The following CMIP variants were observed in gnomAD, a reference collection of about 807,000 sequenced individuals.
The protein encoded by CMIP is C-Maf-inducing protein.
In CMIP, 13 loss-of-function variants were observed where a neutral mutation model predicts 97.3. That is an observed-to-expected ratio of 0.13 (90% CI 0.09 to 0.21). The LOEUF is 0.21. Among genes scored for constraint, CMIP ranks in the 10% least tolerant of loss-of-function variants. The probability of loss-of-function intolerance (pLI) is 1.00; values close to 1 mark genes in which losing one functional copy is unlikely to be tolerated. For missense variants in CMIP, 847 were observed against 1,024.9 expected (o/e 0.83, Z 2.37); for synonymous variants, 538 against 436.3 (o/e 1.23, Z -2.91).
At chr16:81,445,677 C>T in intron 1 of CMIP, 136 bp downstream of exon 1, 1 of 1,003,886 alleles carries the variant, frequency 1.0e-6, no homozygotes, top group Non-Finnish European at 1.4e-6. Context: ...CGGGGAGAAC[C>T]AGGGCGCCTC....
At chr16:81,550,438 C>T (rs556777051) in intron 1 of CMIP, among the ~76,000 whole-genome samples, 28 of 152,284 alleles carry the variant, frequency 1.8e-4, no homozygotes, top group South Asian at 1.0e-3. Context: ...GCAGGAGGGT[C>T]GCAGGGCTTT....
intron 1 of CMIP, among the ~76,000 whole-genome samples, chr16:81,480,353 A>G (rs575100436): frequency 9.9e-5 from 15 of 152,208 alleles, no homozygotes; most frequent in African/African-American, 3.6e-4. Context: ...CAGCCTGGCT[A>G]GCGTGGTGAA....
chr16:81,584,820 T>C (rs1453441570), intron 1 of CMIP, among the ~76,000 whole-genome samples: 1 of 152,236 alleles, frequency 6.6e-6, no homozygotes, highest in African/African-American at 2.4e-5. Flanking sequence ...AAAGGAACGC[T>C]TCTGCAAGGA....
At chr16:81,606,968 A>C (rs935082648) in intron 1 of CMIP, 1 of 155,030 alleles carries the variant, frequency 6.5e-6, no homozygotes, top group Non-Finnish European at 1.5e-5. Context: ...AGGAGTGTGG[A>C]AAGGGAGAGA....
chr16:81,593,068 A>G (rs2091490569), intron 1 of CMIP, among the ~76,000 whole-genome samples: 2 of 152,186 alleles, frequency 1.3e-5, no homozygotes, highest in South Asian at 4.1e-4. Context: ...TGGAAATATC[A>G]GTCGTTTGCT....
At chr16:81,452,885 G>GTTTTTTTTTTTTTTTTT (rs558606255) in intron 1 of CMIP, among the ~76,000 whole-genome samples, 32 of 129,220 alleles carry the variant, frequency 2.5e-4, no homozygotes, top group East Asian at 1.1e-3. Flanking sequence ...TTTTTGTTTT[G>GTTTTTTTTTTTTTTTTT]TTTTTTTTTT....
intron 13 of CMIP, among the ~76,000 whole-genome samples, chr16:81,693,787 G>A (rs1041326695): frequency 6.6e-6 from 1 of 152,210 alleles, no homozygotes; most frequent in African/African-American, 2.4e-5. Context: ...CTCTGAGGCA[G>A]CATTTTGATC....
At chr16:81,518,002 C>G in intron 1 of CMIP, 1 of 620,418 alleles carries the variant, frequency 1.6e-6, no homozygotes, top group Non-Finnish European at 2.0e-6. Context: ...ACGGGGGTCC[C>G]TTTGCACTTC....
intron 2 of CMIP, among the ~76,000 whole-genome samples, chr16:81,615,588 CTGTG>C (rs771775580): frequency 1.8e-5 from 2 of 111,478 alleles, no homozygotes; most frequent in Admixed American, 9.5e-5. Context: ...GTGTGTGTGT[CTGTG>C]TGTGTGGTGT....
chr16:81,569,711 A>G (rs1327217610), intron 1 of CMIP, among the ~76,000 whole-genome samples: 2 of 152,234 alleles, frequency 1.3e-5, no homozygotes, highest in East Asian at 1.9e-4. Flanking sequence ...AAAGATGGGC[A>G]CAGTTGGCTT....
chr16:81,456,572 C>T (rs1383877256), intron 1 of CMIP, among the ~76,000 whole-genome samples: 2 of 151,438 alleles, frequency 1.3e-5, no homozygotes, highest in East Asian at 1.9e-4. Flanking sequence ...TTCATCTAAT[C>T]CTCACGATGC....
At chr16:81,598,552 A>T (rs1431813619) in intron 1 of CMIP, among the ~76,000 whole-genome samples, 3 of 152,230 alleles carry the variant, frequency 2.0e-5, no homozygotes, top group African/African-American at 7.2e-5. Flanking sequence ...AAGATCAAAT[A>T]AAACACAAGA....
intron 1 of CMIP, among the ~76,000 whole-genome samples, chr16:81,491,900 A>G (rs112150559): frequency 5.9e-4 from 90 of 152,252 alleles, no homozygotes; most frequent in Admixed American, 2.0e-3. Flanking sequence ...ATCAGCGGAG[A>G]TGACGTTTTA....
chr16:81,500,072 A>C, intron 1 of CMIP, among the ~76,000 whole-genome samples: 1 of 150,254 alleles, frequency 6.7e-6, no homozygotes. Flanking sequence ...TTCTTCAGCC[A>C]CTCCTTGGTC....
Position 81,678,476 on chromosome 16 carries a change from C to G in CMIP, c.1236C>G (p.Ala412=). ...IHVEVERTST[A]KPALTASAGN... The stretch of plus-strand genomic sequence containing the variant: ...TGGAGGTGGAACGCACCAGCACTGC[C>G]AAGCCGGCGCTGACGGCCAGCGCAG... Residue 412 remains alanine (A), a synonymous_variant, in exon 10 of 21, where the codon GCC becomes GCG. Coordinates refer to ENST00000537098, the MANE Select transcript of CMIP (RefSeq NM_198390.3). The G allele has an allele frequency of 1.3e-6, 2 of 1,593,706 alleles. No individual in the cohort carries two copies. Among genetic ancestry groups the G allele is most frequent in the Non-Finnish European group, 1.7e-6 (2 of 1,171,072 alleles).
intron 1 of CMIP, among the ~76,000 whole-genome samples, chr16:81,480,371 C>G (rs966915097): frequency 1.3e-5 from 2 of 152,026 alleles, no homozygotes; most frequent in Admixed American, 6.6e-5. Flanking sequence ...GAAACCCCAT[C>G]TCTACTAAAA....
chr16:81,589,303 C>T (rs1277952819), intron 1 of CMIP, among the ~76,000 whole-genome samples: 2 of 152,002 alleles, frequency 1.3e-5, no homozygotes, highest in Non-Finnish European at 2.9e-5. Context: ...CTCCATGTTA[C>T]CCTGGCTGGT....
chr16:81,663,643 G>A (rs2092571575), intron 6 of CMIP, among the ~76,000 whole-genome samples: 1 of 152,200 alleles, frequency 6.6e-6, no homozygotes, highest in Non-Finnish European at 1.5e-5. Context: ...GGGTAACAAT[G>A]ATGTGTCAGT....
At position 81,556,347 on chromosome 16, in the gene CMIP, G is replaced by A. The variant is rs542285289; in HGVS notation, c.301-51220G>A. On this transcript the variant is annotated intron_variant, in intron 1 of 20. Coordinates refer to ENST00000537098, the MANE Select transcript of CMIP (RefSeq NM_198390.3). Reference sequence around the variant, plus strand: ...GTAATGCTTCTCTGAACACGGGTGCGCTGGTGTCCCTTTTAAAAGTCCCTA... The same window carrying A: ...GTAATGCTTCTCTGAACACGGGTGCACTGGTGTCCCTTTTAAAAGTCCCTA... Among the ~76,000 whole-genome samples the A allele has an allele frequency of 1.2e-4, 18 of 152,232 alleles. 1 individual carries two copies. In the South Asian group the frequency reaches 3.3e-3, roughly 28 times the overall value.
Sources: gnomAD v4.1 joint callset for allele counts (sites outside exome capture counted in the v4.1 genomes callset) on GRCh38, gnomAD v4.1.1 for gene constraint, MANE v1.5 for transcripts, NCBI Gene and HGNC (gene_info 2026-07-23, HGNC 2026-07-21) for gene names.